Variants in TXNDC16 observed in about 807,000 individuals in gnomAD.
TXNDC16 encodes the protein thioredoxin domain-containing protein 16.
TXNDC16 carries 74 observed loss-of-function variants against 85.6 expected under a neutral mutation model. The ratio of observed to expected loss-of-function variants is 0.86; its 90% confidence interval spans 0.72 to 1.05. The LOEUF is 1.05. Ranked by LOEUF, TXNDC16 falls within the 50% of genes least tolerant of loss-of-function variation. TXNDC16 has a pLI of 0.00. For missense variants in TXNDC16, 959 were observed against 947.0 expected, an observed-to-expected ratio of 1.01 and a Z score of -0.17; for synonymous variants, 335 against 326.5, an observed-to-expected ratio of 1.03 and a Z score of -0.28.
chr14:52,463,152 A>T (rs2035691105), intron 16 of TXNDC16, among the ~76,000 whole-genome samples: 1 of 151,790 alleles, frequency 6.6e-6, no homozygotes, highest in South Asian at 2.1e-4. Flanking sequence ...TTGATCCTGG[A>T]CCCAGTCCAG....
Position 52,465,627 on chromosome 14 carries a change from C to T in TXNDC16, c.1618+4410G>A, listed in dbSNP as rs371080334. Among the ~76,000 whole-genome samples the T allele has an allele frequency of 5.3e-5, 8 of 151,558 alleles. No homozygotes were observed. The South Asian group carries it at 8.4e-4, about 16-fold the overall frequency. ...AAAAAAAAATTGAGGGTTTTGTTAC[C>T]GACTCAAGAGGCCACCTAGATGCAA... On this transcript the variant is annotated intron_variant, in intron 16 of 20. Transcript: ENST00000281741.
chr14:52,548,206 C>T lies in TXNDC16; in HGVS notation c.-181-3835G>A, dbSNP rs377218475. Among the ~76,000 whole-genome samples, 5 of 152,206 alleles carry T rather than the reference C, an allele frequency of 3.3e-5. No individual in the cohort carries two copies. The East Asian group carries it at 5.8e-4, about 18-fold the overall frequency. On this transcript the variant is annotated intron_variant, in intron 1 of 20. Coordinates refer to ENST00000281741, the MANE Select transcript of TXNDC16 (RefSeq NM_020784.3). ...ACTATGGGACTGAACGAAGGCAGAACGAATGTAGAAATGAAAACAAAGACA... is the reference window on the plus strand; with the variant it reads ...ACTATGGGACTGAACGAAGGCAGAATGAATGTAGAAATGAAAACAAAGACA...
intron 18 of TXNDC16, 100 bp downstream of exon 18, chr14:52,455,224 C>T (rs1385560288): frequency 7.1e-7 from 1 of 1,405,904 alleles, no homozygotes; most frequent in African/African-American, 1.4e-5. Flanking sequence ...TCACCCTGCC[C>T]TGTACCAGCA....
chr14:52,503,142 C>A (rs986916791), intron 9 of TXNDC16, among the ~76,000 whole-genome samples: 1 of 152,230 alleles, frequency 6.6e-6, no homozygotes, highest in African/African-American at 2.4e-5. Context: ...GTAGACTCCA[C>A]CTCTGGGGGC....
At chr14:52,443,916 G>C (rs1432381008) in intron 18 of TXNDC16, among the ~76,000 whole-genome samples, 1 of 152,042 alleles carries the variant, frequency 6.6e-6, no homozygotes, top group East Asian at 1.9e-4. Context: ...TCGGATTTAG[G>C]AATCATCAGC....
At chr14:52,521,793 G>T (rs2037217868) in intron 6 of TXNDC16, among the ~76,000 whole-genome samples, 1 of 152,204 alleles carries the variant, frequency 6.6e-6, no homozygotes, top group African/African-American at 2.4e-5. Context: ...GGTATTTTCA[G>T]GTTTTCATTT....
Position 52,482,888 on chromosome 14 carries a change from G to T in TXNDC16, c.1186C>A (p.Leu396Ile), listed in dbSNP as rs759384759. ...GTTGCATTAAATGTTTCTTCTGTTA[G>T]TTCCACTGTAAGTTCCAAAGGTAAT... ...RKLPLELTVE[L>I]TEETFNATVM... is the part of the protein sequence containing the mutation. Residue 396 changes from leucine to isoleucine, a missense_variant, in exon 13 of 21, where the codon CTA (leucine) becomes ATA (isoleucine). By Grantham distance (5) the Leu-to-Ile change is conservative. Transcript: ENST00000281741. 7 of 1,612,088 alleles carry T rather than the reference G, an allele frequency of 4.3e-6. No homozygotes were observed. The highest frequency in any genetic ancestry group is 5.9e-6 in the Non-Finnish European group (7 of 1,179,376).
intron 14 of TXNDC16, among the ~76,000 whole-genome samples, chr14:52,474,787 C>T (rs1394968075): frequency 6.6e-6 from 1 of 151,792 alleles, no homozygotes; most frequent in Non-Finnish European, 1.5e-5. Flanking sequence ...TCCCCTCACT[C>T]AGTAATAATC....
chr14:52,441,558 G>A (rs1456978142), intron 18 of TXNDC16, among the ~76,000 whole-genome samples: 1 of 151,358 alleles, frequency 6.6e-6, no homozygotes, highest in Non-Finnish European at 1.5e-5. Context: ...GCAGTGAGCC[G>A]AGATTGTTCC....
At position 52,470,770 on chromosome 14, in the gene TXNDC16, T is replaced by A. The variant is rs190036564; in HGVS notation, c.1313-90A>T. The A allele has an allele frequency of 5.9e-4, 731 of 1,231,248 alleles. 3 individuals are homozygous for A. The African/African-American group carries it at 9.7e-3, about 16-fold the overall frequency. The allele number at this position is 1,231,248 out of a possible 1,614,324, so 76.3% of individuals were successfully genotyped here. On this transcript the variant is annotated intron_variant, in intron 14 of 20. Coordinates refer to ENST00000281741, the MANE Select transcript of TXNDC16 (RefSeq NM_020784.3). ...TCAGTATTTTTCTATCCCATTCTTA[T>A]TTTAACCTCTCAGCATGAAACACTC...
intron 9 of TXNDC16, among the ~76,000 whole-genome samples, chr14:52,496,106 G>A (rs1453899715): frequency 6.6e-6 from 1 of 151,524 alleles, no homozygotes; most frequent in Non-Finnish European, 1.5e-5. Context: ...CTTGCAGTGA[G>A]CCGAGATCGC....
chr14:52,486,092 T>G (rs900710953), intron 12 of TXNDC16, among the ~76,000 whole-genome samples: 10 of 152,030 alleles, frequency 6.6e-5, no homozygotes, highest in African/African-American at 2.4e-4. Context: ...TATTTTCTTA[T>G]TTACTGTATT....
At chr14:52,475,379 A>C (rs950915615) in intron 14 of TXNDC16, among the ~76,000 whole-genome samples, 6 of 152,146 alleles carry the variant, frequency 3.9e-5, no homozygotes, top group African/African-American at 9.7e-5. Flanking sequence ...GGGAAGAAAG[A>C]AAGCCCTACT....
In TXNDC16 at chr14:52,536,732, C is replaced by T. The variant is rs147390631; in HGVS notation, c.379G>A (p.Ala127Thr). 1.9e-3 allele frequency: 2,979 copies of T among 1,610,068 alleles called. 4 individuals are homozygous for T. The highest frequency in any genetic ancestry group is 2.4e-3 in the Non-Finnish European group (2,775 of 1,177,622). Reference sequence around the variant, plus strand: ...CCCTGTACTTACAAGAGAACATGGGCGACAATGGCATTCACATCAAACAAG... The same window carrying T: ...CCCTGTACTTACAAGAGAACATGGGTGACAATGGCATTCACATCAAACAAG... ...DTLFDVNAIV[A>T]HVLFALLFSE... Residue 127 changes from alanine (A) to threonine (T), a missense_variant, in exon 6 of 21, where the codon GCC becomes ACC. Coordinates refer to ENST00000281741, the MANE Select transcript of TXNDC16 (RefSeq NM_020784.3).
chr14:52,488,395 T>C lies in TXNDC16; in HGVS notation c.1076A>G (p.Asp359Gly), dbSNP rs1206126485. Residue 359 changes from aspartate to glycine, a missense_variant, in exon 12 of 21, where the codon GAT (aspartate) becomes GGT (glycine). Physicochemically the swap from Asp to Gly is moderately conservative, Grantham distance 94. Coordinates refer to ENST00000281741, the MANE Select transcript of TXNDC16 (RefSeq NM_020784.3). ...TGGACCTTCCATGTCATTGTCTTCA[T>C]CTTCTTGTATTTCCTCAATGTGCAT... ...NNMHIEEIQE[D>G]EDNDMEGPDI... is the part of the protein sequence containing the mutation. The C allele has an allele frequency of 6.2e-7, 1 of 1,613,858 alleles. No homozygotes were observed. Among genetic ancestry groups the C allele is most frequent in the Non-Finnish European group, 8.5e-7 (1 of 1,179,806 alleles).
At position 52,482,822 on chromosome 14, in the gene TXNDC16, A is replaced by G; in HGVS notation, c.1252T>C (p.Trp418Arg). 1.3e-6 allele frequency: 2 copies of G among 1,595,984 alleles called. No individual in the cohort carries two copies. Among genetic ancestry groups the G allele is most frequent in the Non-Finnish European group, 1.7e-6 (2 of 1,174,952 alleles). ...SDSIVLFYAG[W>R]QAVSMAFLQS... Reference sequence around the variant, plus strand: ...CAGTCCTCTAAAGGCTCATACTCACAACCAGCATAGAAGAGTACTATGCTG... The same window carrying G: ...CAGTCCTCTAAAGGCTCATACTCACGACCAGCATAGAAGAGTACTATGCTG... The change falls in exon 13 of 21, where the codon TGG becomes CGG. Residue 418 changes from tryptophan (W) to arginine (R), a missense_variant and splice_region_variant. Physicochemically the swap from Trp to Arg is moderately radical, Grantham distance 101 (BLOSUM62 -3). Transcript: ENST00000281741.
chr14:52,470,001 C>G lies in TXNDC16; in HGVS notation c.1618+36G>C, dbSNP rs757504107. The G allele has an allele frequency of 2.6e-6, 4 of 1,550,550 alleles. No individual in the cohort carries two copies. In the African/African-American group the frequency reaches 4.2e-5, roughly 16 times the overall value. On this transcript the variant is annotated intron_variant, in intron 16 of 20. Transcript: ENST00000281741. ...AATAAAACTAGCAAGCAATGATATA[C>G]TCTACTGTATAATTTAAAAGCTCAG...
In TXNDC16 at chr14:52,490,937, A is replaced by C; in HGVS notation, c.825T>G (p.Phe275Leu). 2 of 1,613,714 alleles carry C rather than the reference A, an allele frequency of 1.2e-6. No individual in the cohort carries two copies. Among genetic ancestry groups the C allele is most frequent in the Non-Finnish European group, 1.7e-6 (2 of 1,179,874 alleles). ...CATAAGTAGCCTGTTGGCTAACAAT[A>C]AAAACCAGTGGTAAGCCCAGTTGGA... ...VHLQLGLPLVFIVSQQATYEA... is the reference protein window; with the variant it reads ...VHLQLGLPLVLIVSQQATYEA... The change falls in exon 10 of 21, where the codon TTT (phenylalanine) becomes TTG (leucine). Residue 275 changes from phenylalanine to leucine, a missense_variant. Coordinates refer to ENST00000281741, the MANE Select transcript of TXNDC16 (RefSeq NM_020784.3).
chr14:52,471,401 T>C (rs1420235311), intron 14 of TXNDC16, among the ~76,000 whole-genome samples: 1 of 152,196 alleles, frequency 6.6e-6, no homozygotes, highest in Non-Finnish European at 1.5e-5. Flanking sequence ...TAGAGATATC[T>C]TTTCAAAACT....
Sources: allele counts gnomAD v4.1 joint callset (sites outside exome capture counted in the v4.1 genomes callset), GRCh38; gene constraint gnomAD v4.1.1; transcripts MANE v1.5; gene names NCBI Gene and HGNC (gene_info 2026-07-23, HGNC 2026-07-21).